INPP4A: variants seen among roughly 807,000 people sequenced by gnomAD.
The protein encoded by INPP4A is inositol polyphosphate-4-phosphatase, type I, 107kD.
Under a neutral mutation model 119.8 loss-of-function variants are expected in INPP4A, and 33 were observed. The ratio of observed to expected loss-of-function variants is 0.28; its 90% CI spans 0.21 to 0.37. The LOEUF (loss-of-function observed/expected upper bound fraction) is 0.37. Ranked by LOEUF, INPP4A falls within the 10% of genes least tolerant of loss-of-function variation. The pLI is 1.00. For missense variants in INPP4A, 956 were observed against 1,289.9 expected (o/e 0.74, Z 3.97); for synonymous variants, 496 against 500.7 (o/e 0.99, Z 0.12).
At chr2:98,482,272 G>T (rs1356220943) in intron 1 of INPP4A, among the ~76,000 whole-genome samples, 1 of 152,178 alleles carries the variant, frequency 6.6e-6, no homozygotes, top group Non-Finnish European at 1.5e-5. Flanking sequence ...ACATTATTGG[G>T]CTGAGACTCT....
chr2:98,483,695 TAGC>T (rs1678957663), intron 1 of INPP4A, among the ~76,000 whole-genome samples: 1 of 152,178 alleles, frequency 6.6e-6, no homozygotes, highest in African/African-American at 2.4e-5. Context: ...TGCCTAAACA[TAGC>T]AGCGTGGACC....
chr2:98,521,635 T>A (rs1450305003), intron 4 of INPP4A: 2 of 152,110 alleles, frequency 1.3e-5, no homozygotes, highest in African/African-American at 4.8e-5. Context: ...CCCATAAAAG[T>A]GTAAGTACAC....
Position 98,590,067 on chromosome 2 carries a change from T to C in INPP4A, c.*2459T>C. On this transcript the variant is annotated 3_prime_UTR_variant, in exon 25 of 25. Transcript: ENST00000409851. ...ATATATAAACATACAGTTACTGTTT[T>C]ATATATTCTTAGGTCATTCAAAGCC... 1.0e-5 allele frequency: 2 copies of C among 191,990 alleles called. No individual in the cohort carries two copies. The highest frequency in any genetic ancestry group is 2.2e-5 in the Non-Finnish European group (2 of 91,748). The allele number at this position is 191,990 out of a possible 1,614,324, so 11.9% of individuals were successfully genotyped here.
At chr2:98,502,678 A>T (rs937828132) in intron 1 of INPP4A, among the ~76,000 whole-genome samples, 1 of 152,198 alleles carries the variant, frequency 6.6e-6, no homozygotes, top group African/African-American at 2.4e-5. Context: ...AGCATTTTCC[A>T]TGGAAACAGC....
intron 1 of INPP4A, among the ~76,000 whole-genome samples, chr2:98,516,456 G>A (rs762598675): frequency 4.6e-5 from 7 of 152,138 alleles, no homozygotes; most frequent in Admixed American, 6.5e-5. Flanking sequence ...GGTGGAGTGG[G>A]CAGGGACCCT....
chr2:98,577,942 C>G (rs1003029090), intron 24 of INPP4A, among the ~76,000 whole-genome samples: 1 of 152,228 alleles, frequency 6.6e-6, no homozygotes, highest in African/African-American at 2.4e-5. Flanking sequence ...CATTTGTCCT[C>G]TCACCAAATT....
intron 1 of INPP4A, among the ~76,000 whole-genome samples, chr2:98,457,956 G>C (rs1054533500): frequency 2.0e-5 from 3 of 150,340 alleles, no homozygotes; most frequent in African/African-American, 7.4e-5. Flanking sequence ...ATATGCCACT[G>C]TGCCCAGCTA....
chr2:98,536,080 GAAGCAAAGC>G, intron 6 of INPP4A, 40 bp from the exon 7 acceptor site: 1 of 1,236,558 alleles, frequency 8.1e-7, no homozygotes, highest in Non-Finnish European at 1.2e-6. Context: ...AATTGCATCA[GAAGCAAAGC>G]AAGCGCACCA....
At chr2:98,479,459 G>C (rs1347565649) in intron 1 of INPP4A, among the ~76,000 whole-genome samples, 3 of 152,194 alleles carry the variant, frequency 2.0e-5, no homozygotes, top group African/African-American at 7.2e-5. Flanking sequence ...TCTGCATGGG[G>C]ATGGCTGGTT....
intron 13 of INPP4A, among the ~76,000 whole-genome samples, chr2:98,550,392 G>C (rs1034622558): frequency 6.6e-6 from 1 of 152,316 alleles, no homozygotes; most frequent in South Asian, 2.1e-4. Flanking sequence ...CTGCAGAGGT[G>C]ATCCTGCTCT....
intron 23 of INPP4A, among the ~76,000 whole-genome samples, chr2:98,573,974 G>C (rs1260893048): frequency 6.6e-6 from 1 of 152,168 alleles, no homozygotes; most frequent in African/African-American, 2.4e-5. Flanking sequence ...GGGAAGCGTG[G>C]GGTGGATCAA....
At position 98,590,163 on chromosome 2, in the gene INPP4A, C is replaced by T. The variant is rs530146384; in HGVS notation, c.*2555C>T. ...TAACTGACAAGATATTAAATGTGGT[C>T]TTGCCTGATTCATCCTATTAGGAGG... On this transcript the variant is annotated 3_prime_UTR_variant, in exon 25 of 25. Coordinates refer to ENST00000409851, the MANE Select transcript of INPP4A (RefSeq NM_001134225.2). 4.4e-4 allele frequency: 88 copies of T among 201,788 alleles called. No individual in the cohort carries two copies. The South Asian group carries it at 0.01, about 24-fold the overall frequency. 12.5% of individuals were successfully genotyped at this position (201,788 alleles called of 1,614,324 possible).
intron 13 of INPP4A, among the ~76,000 whole-genome samples, chr2:98,547,256 T>C (rs1166511131): frequency 1.3e-5 from 2 of 152,218 alleles, no homozygotes; most frequent in Non-Finnish European, 1.5e-5. Flanking sequence ...CTGGCCTTGC[T>C]GCCAGCCTGC....
intron 1 of INPP4A, among the ~76,000 whole-genome samples, chr2:98,488,888 C>G (rs1680098042): frequency 6.6e-6 from 1 of 151,600 alleles, no homozygotes; most frequent in Non-Finnish European, 1.5e-5. Flanking sequence ...ATGGAAGCCT[C>G]ACAATGCAAC....
At chr2:98,550,843 GGTAT>G in intron 13 of INPP4A, among the ~76,000 whole-genome samples, 1 of 152,280 alleles carries the variant, frequency 6.6e-6, no homozygotes, top group Non-Finnish European at 1.5e-5. Context: ...CTGGGCAGAG[GGTAT>G]GTATTTGTTG....
chr2:98,446,557 T>C (rs1694228346), intron 1 of INPP4A, among the ~76,000 whole-genome samples: 1 of 152,100 alleles, frequency 6.6e-6, no homozygotes, highest in East Asian at 1.9e-4. Context: ...CCAGAGCTGC[T>C]TGGTAGAGTT....
intron 1 of INPP4A, among the ~76,000 whole-genome samples, chr2:98,489,441 C>A (rs950645373): frequency 6.6e-6 from 1 of 152,130 alleles, no homozygotes; most frequent in Non-Finnish European, 1.5e-5. Flanking sequence ...TTGAACCTGT[C>A]CCTGTCCCTT....
In INPP4A at chr2:98,566,919, G is replaced by A. The variant is rs1038089731; in HGVS notation, c.2420+750G>A. On this transcript the variant is annotated intron_variant, in intron 21 of 24. Coordinates refer to ENST00000409851, the MANE Select transcript of INPP4A (RefSeq NM_001134225.2). This position sits in a 1 kb window ranked among gnomAD's most constrained non-coding sequence, Gnocchi z 4.2. ...TCTAAACAGAGATCTTCAAGTACTT[G>A]CTGTGAAGGAAATTTGGTTTCCAGA... Among the ~76,000 whole-genome samples, 1 of 152,212 alleles carries A rather than the reference G, an allele frequency of 6.6e-6. No homozygotes were observed. The highest frequency in any genetic ancestry group is 2.4e-5 in the African/African-American group (1 of 41,450).
At chr2:98,539,246 T>C (rs529480751) in intron 9 of INPP4A, among the ~76,000 whole-genome samples, 4 of 152,364 alleles carry the variant, frequency 2.6e-5, no homozygotes, top group African/African-American at 9.6e-5. Context: ...TCTTTTCTGT[T>C]TCACATTGGG....
Sources: gnomAD v4.1 joint callset for allele counts (sites outside exome capture counted in the v4.1 genomes callset) on GRCh38, gnomAD v4.1.1 for gene constraint, Gnocchi (gnomAD v3.1) non-coding constraint, MANE v1.5 for transcripts, NCBI Gene and HGNC (gene_info 2026-07-23, HGNC 2026-07-21) for gene names.